Variants in EPB41L3 observed in about 807,000 individuals in gnomAD.
EPB41L3 encodes band 4.1-like protein 3.
In EPB41L3, 57 loss-of-function variants were observed where a neutral mutation model predicts 127.1. The ratio of observed to expected loss-of-function variants is 0.45; its 90% CI spans 0.36 to 0.56. The LOEUF (loss-of-function observed/expected upper bound fraction) is 0.56. EPB41L3 is among the 20% of genes least tolerant of loss of function. The probability of loss-of-function intolerance (pLI) is 0.00; values close to 1 mark genes in which losing one functional copy is unlikely to be tolerated. For synonymous variants in EPB41L3, 572 were observed against 549.5 expected, an observed-to-expected ratio of 1.04 and a Z score of -0.57; for missense variants, 1,273 against 1,372.2, an observed-to-expected ratio of 0.93 and a Z score of 1.14.
rs564974044 is a variant in EPB41L3 at position 5,450,545 on chromosome 18, C to T, written c.382-5301G>A. Reference sequence around the variant, plus strand: ...CTCAAGTTTTTCTATAAACCTAAAACTGCTCCAAAAACATACATCTACTAA... The same window carrying T: ...CTCAAGTTTTTCTATAAACCTAAAATTGCTCCAAAAACATACATCTACTAA... On this transcript the variant is annotated intron_variant, in intron 3 of 22. Transcript: ENST00000341928. 2.0e-5 allele frequency among the ~76,000 whole-genome samples: 3 copies of T among 151,992 alleles called. No homozygotes were observed. The South Asian group carries it at 6.2e-4, about 32-fold the overall frequency.
At chr18:5,593,062 G>T (rs1240933401) in intron 3 of EPB41L3, among the ~76,000 whole-genome samples, 1 of 152,140 alleles carries the variant, frequency 6.6e-6, no homozygotes, top group Non-Finnish European at 1.5e-5. Flanking sequence ...GGCCCAATCT[G>T]CAGAGATACT....
intron 3 of EPB41L3, among the ~76,000 whole-genome samples, chr18:5,557,863 T>G (rs544726264): frequency 6.6e-6 from 1 of 152,336 alleles, no homozygotes; most frequent in East Asian, 1.9e-4. Flanking sequence ...TCAGATCCAC[T>G]GAGCACCAAA....
chr18:5,474,776 G>T (rs1003222424), intron 3 of EPB41L3, among the ~76,000 whole-genome samples: 3 of 152,142 alleles, frequency 2.0e-5, no homozygotes, highest in African/African-American at 7.2e-5. Context: ...CTTTGTGTCT[G>T]CATGTCTCTT....
At chr18:5,423,578 A>T in intron 10 of EPB41L3, 25 bp from the exon 11 acceptor site, 1 of 1,581,886 alleles carries the variant, frequency 6.3e-7, no homozygotes. Context: ...GAAAAACAGC[A>T]GAAAGACTAT....
At chr18:5,591,856 T>C (rs906400661) in intron 3 of EPB41L3, among the ~76,000 whole-genome samples, 6 of 152,300 alleles carry the variant, frequency 3.9e-5, no homozygotes, top group Admixed American at 2.0e-4. Flanking sequence ...TAAATAGATA[T>C]GTGATGTAAT....
At position 5,398,359 on chromosome 18, in the gene EPB41L3, G is replaced by A. The variant is rs2073939176; in HGVS notation, c.2350-216C>T. The A allele has an allele frequency of 5.1e-6, 3 of 591,898 alleles. No individual in the cohort carries two copies. In the East Asian group the frequency reaches 8.4e-5, roughly 17 times the overall value. 36.7% of individuals were successfully genotyped at this position (591,898 alleles called of 1,614,324 possible). On this transcript the variant is annotated intron_variant, in intron 16 of 22. Transcript: ENST00000341928. Reference sequence around the variant, plus strand: ...AGCAGAGACGGTTATTAGGATCAGGGTGGCGCCGATTTAAGCAGATATATA... The same window carrying A: ...AGCAGAGACGGTTATTAGGATCAGGATGGCGCCGATTTAAGCAGATATATA...
chr18:5,463,372 C>A (rs2084376139), intron 3 of EPB41L3, among the ~76,000 whole-genome samples: 1 of 152,266 alleles, frequency 6.6e-6, no homozygotes. Flanking sequence ...CTGCACCATC[C>A]CTGAAACTGT....
chr18:5,521,599 G>A (rs1201941184), intron 1 of EPB41L3, among the ~76,000 whole-genome samples: 2 of 152,174 alleles, frequency 1.3e-5, no homozygotes, highest in African/African-American at 2.4e-5. Context: ...ACAGTCTCAG[G>A]TTCAAATTCC....
At chr18:5,539,577 T>C (rs1461047787) in intron 1 of EPB41L3, 1 of 152,202 alleles carries the variant, frequency 6.6e-6, no homozygotes, top group African/African-American at 2.4e-5. Flanking sequence ...GCTACATAGT[T>C]AAGAAAGAAC....
chr18:5,394,981 G>A, intron 21 of EPB41L3, 86 bp downstream of exon 21: 2 of 1,358,828 alleles, frequency 1.5e-6, no homozygotes, highest in Non-Finnish European at 2.1e-6. Flanking sequence ...ATACATGCTG[G>A]ACTAGAGGAA....
rs985563183 is a variant in EPB41L3 at position 5,475,225 on chromosome 18, C to A, written c.381+3016G>T. On this transcript the variant is annotated intron_variant, in intron 3 of 22. Coordinates refer to ENST00000341928, the MANE Select transcript of EPB41L3 (RefSeq NM_012307.5). ...CGTATTATCATTATTAAACAGGGAC[C>A]ATTTATTAAGAATATGCCACATCCC... is the stretch of plus-strand genomic sequence containing the variant. Among the ~76,000 whole-genome samples the A allele has an allele frequency of 2.6e-5, 4 of 152,144 alleles. No individual in the cohort carries two copies. In the East Asian group the frequency reaches 7.7e-4, roughly 29 times the overall value.
At chr18:5,596,768 A>G (rs2094540738) in intron 3 of EPB41L3, among the ~76,000 whole-genome samples, 1 of 152,224 alleles carries the variant, frequency 6.6e-6, no homozygotes. Flanking sequence ...AAAACATTAC[A>G]TCATCCTTCT....
At chr18:5,475,392 T>C (rs573399428) in intron 3 of EPB41L3, among the ~76,000 whole-genome samples, 1 of 152,348 alleles carries the variant, frequency 6.6e-6, no homozygotes, top group South Asian at 2.1e-4. Flanking sequence ...GGGTTACCAT[T>C]AGCCCTCCCC....
At chr18:5,400,707 ATT>A (rs1430073404) in intron 16 of EPB41L3, 3 of 518,564 alleles carry the variant, frequency 5.8e-6, no homozygotes, top group Non-Finnish European at 1.1e-5. Context: ...CAGCAAGATT[ATT>A]ATCAGAAAGT....
At chr18:5,562,107 T>C (rs564182869) in intron 3 of EPB41L3, among the ~76,000 whole-genome samples, 1 of 152,080 alleles carries the variant, frequency 6.6e-6, no homozygotes, top group East Asian at 1.9e-4. Context: ...AGGACATCAG[T>C]GGAAAAATTG....
intron 3 of EPB41L3, among the ~76,000 whole-genome samples, chr18:5,468,669 G>C (rs1484219056): frequency 1.3e-5 from 2 of 152,312 alleles, no homozygotes; most frequent in East Asian, 3.9e-4. Context: ...TGTGAAAAGA[G>C]CTACCCGCAG....
chr18:5,445,578 G>A (rs1283268258), intron 3 of EPB41L3, among the ~76,000 whole-genome samples: 1 of 152,140 alleles, frequency 6.6e-6, no homozygotes, highest in East Asian at 1.9e-4. Context: ...CTAAATATGT[G>A]AAACATAAAA....
At chr18:5,623,005 C>T (rs1424538783) in intron 1 of EPB41L3, among the ~76,000 whole-genome samples, 3 of 103,136 alleles carry the variant, frequency 2.9e-5, no homozygotes, top group East Asian at 6.7e-4. Context: ...CTAAAATATT[C>T]GGTCTCACTT....
In EPB41L3 at chr18:5,543,096, G is replaced by GGCCGACCCAGGCGCCCCCGGCCC. The variant is rs1167819169; in HGVS notation, c.-12+794_-12+816dup. On this transcript the variant is annotated intron_variant, in intron 1 of 22. Transcript: ENST00000341928. The surrounding 1 kb of genome is among the most constrained non-coding windows in gnomAD (Gnocchi z 5.2). The stretch of plus-strand genomic sequence containing the variant: ...CGCCCCGAGCCCCCGGGCCACGGCA[G>GGCCGACCCAGGCGCCCCCGGCCC]GCCGACCCAGGCGCCCCCGGCCCGC... 2.0e-5 allele frequency among the ~76,000 whole-genome samples: 3 copies of GGCCGACCCAGGCGCCCCCGGCCC among 151,572 alleles called. No homozygotes were observed. The highest frequency in any genetic ancestry group is 4.4e-5 in the Non-Finnish European group (3 of 67,828).
Sources: allele counts gnomAD v4.1 joint callset (sites outside exome capture counted in the v4.1 genomes callset), GRCh38; gene constraint gnomAD v4.1.1; non-coding constraint Gnocchi (gnomAD v3.1); transcripts MANE v1.5; gene names NCBI Gene and HGNC (gene_info 2026-07-23, HGNC 2026-07-21).